The following BRCA1 variants were observed in gnomAD, a reference collection of about 807,000 sequenced individuals.
The protein encoded by BRCA1 is breast cancer type 1 susceptibility protein.
A neutral mutation model predicts 173.7 loss-of-function variants in BRCA1; 140 were observed. The observed-to-expected ratio is 0.81, with a 90% confidence interval of 0.70 to 0.93. The LOEUF is 0.93. Ranked by LOEUF, BRCA1 falls within the 40% of genes least tolerant of loss-of-function variation. The pLI, the probability that BRCA1 is intolerant of heterozygous loss-of-function variation, is 0.00. For missense variants in BRCA1, 1,983 were observed against 2,172.5 expected (o/e 0.91, Z 1.73); for synonymous variants, 662 against 756.0 (o/e 0.88, Z 2.04).
chr17:43,056,754 G>A (rs1429963065), intron 19 of BRCA1, among the ~76,000 whole-genome samples: 2 of 152,092 alleles, frequency 1.3e-5, no homozygotes, highest in African/African-American at 4.8e-5. Flanking sequence ...AAAGTCTTTA[G>A]ATTCTCATCT....
intron 1 of BRCA1, among the ~76,000 whole-genome samples, chr17:43,169,578 C>T (rs1053479646): frequency 6.6e-6 from 1 of 152,182 alleles, no homozygotes; most frequent in Non-Finnish European, 1.5e-5. Context: ...TTAGTGCTTC[C>T]CTCGAGACCT....
chr17:43,113,670 A>G (rs1050750713), intron 3 of BRCA1, among the ~76,000 whole-genome samples: 1 of 151,632 alleles, frequency 6.6e-6, no homozygotes, highest in African/African-American at 2.4e-5. Flanking sequence ...CCCGTCCTCT[A>G]TTTTCTTTTA....
At chr17:43,105,188 T>G (rs947702887) in intron 4 of BRCA1, among the ~76,000 whole-genome samples, 4 of 152,180 alleles carry the variant, frequency 2.6e-5, no homozygotes, top group Non-Finnish European at 5.9e-5. Flanking sequence ...GATATAATAC[T>G]GCCCTAAATC....
intron 1 of BRCA1, among the ~76,000 whole-genome samples, chr17:43,148,198 G>C (rs1008177683): frequency 2.0e-5 from 3 of 152,106 alleles, no homozygotes; most frequent in Non-Finnish European, 2.9e-5. Flanking sequence ...GCTTAGGCAG[G>C]AGAATCGCTT....
At chr17:43,157,076 C>T (rs1481565253) in intron 1 of BRCA1, among the ~76,000 whole-genome samples, 1 of 152,094 alleles carries the variant, frequency 6.6e-6, no homozygotes, top group Non-Finnish European at 1.5e-5. Flanking sequence ...AACAACCCAC[C>T]GGGGAACACA....
chr17:43,066,880 C>T (rs567980544), intron 16 of BRCA1, among the ~76,000 whole-genome samples: 2 of 139,434 alleles, frequency 1.4e-5, no homozygotes, highest in Admixed American at 7.8e-5. Flanking sequence ...TGCAATGGTG[C>T]GATCTTGGGT....
intron 1 of BRCA1, among the ~76,000 whole-genome samples, chr17:43,154,681 T>G (rs984903854): frequency 4.0e-5 from 3 of 75,456 alleles, no homozygotes; most frequent in African/African-American, 1.1e-4. Context: ...AAGTGTTTAT[T>G]AAGTATCTAC....
chr17:43,127,710 G>A (rs982353488), upstream of BRCA1, among the ~76,000 whole-genome samples: 13 of 152,228 alleles, frequency 8.5e-5, no homozygotes, highest in East Asian at 1.9e-3. Context: ...GATGTGGGTG[G>A]GGTCAGATAA....
At chr17:43,135,900 TCA>T (rs1309886066) in intron 1 of BRCA1, among the ~76,000 whole-genome samples, 1 of 152,204 alleles carries the variant, frequency 6.6e-6, no homozygotes, top group African/African-American at 2.4e-5. Flanking sequence ...GCCCGGCCTC[TCA>T]CACCCTCAGC....
At chr17:43,078,339 C>T (rs1465571459) in intron 12 of BRCA1, among the ~76,000 whole-genome samples, 1 of 152,190 alleles carries the variant, frequency 6.6e-6, no homozygotes, top group Admixed American at 6.5e-5. Context: ...CCAACCTTGG[C>T]CTCACAAAGT....
At chr17:43,099,700 A>C in intron 7 of BRCA1, 75 bp downstream of exon 7, 1 of 1,306,742 alleles carries the variant, frequency 7.7e-7, no homozygotes, top group Non-Finnish European at 1.1e-6. Context: ...AATTATGACC[A>C]AGATTTTTGG....
chr17:43,148,320 A>T (rs984799964), intron 1 of BRCA1: 3 of 167,382 alleles, frequency 1.8e-5, no homozygotes, highest in Non-Finnish European at 3.8e-5. Flanking sequence ...ACTAATATTT[A>T]CCTTGAGTGT....
At chr17:43,109,326 G>A (rs1436690764) in intron 3 of BRCA1, among the ~76,000 whole-genome samples, 1 of 152,062 alleles carries the variant, frequency 6.6e-6, no homozygotes, top group Non-Finnish European at 1.5e-5. Flanking sequence ...GTAGAGGCTT[G>A]TCCCAGATCA....
intron 19 of BRCA1, among the ~76,000 whole-genome samples, chr17:43,055,327 A>C (rs1289999850): frequency 6.6e-6 from 1 of 152,212 alleles, no homozygotes; most frequent in Non-Finnish European, 1.5e-5. Context: ...ACAACTTTTC[A>C]AGAAACTATA....
intron 19 of BRCA1, 118 bp from the exon 20 acceptor site, chr17:43,051,235 T>C (rs574614687): frequency 1.6e-5 from 15 of 945,068 alleles, no homozygotes; most frequent in East Asian, 2.6e-5. Context: ...GCTTTTCTTT[T>C]TCTTCTGTTC....
rs148068102 is a variant in BRCA1, at chr17:43,121,405, C to T, written c.80+2612G>A. Among the ~76,000 whole-genome samples, 2,017 of 151,660 alleles carry T rather than the reference C, an allele frequency of 0.013. 20 individuals are homozygous for T. Among genetic ancestry groups the T allele is most frequent in the Middle Eastern group, 0.024 (7 of 292 alleles). The stretch of plus-strand genomic sequence containing the variant: ...AACAAAACAAAACAAAACAAAAAGT[C>T]TGGGAGCGGTGGCTCACGCCTGTAA... On this transcript the variant is annotated intron_variant, in intron 2 of 22. Transcript: ENST00000357654.
intron 1 of BRCA1, chr17:43,166,232 TTTCCTCTC>T (rs2056267494): frequency 1.3e-5 from 2 of 152,094 alleles, no homozygotes; most frequent in Admixed American, 1.3e-4. Context: ...CTTTTCCTCT[TTTCCTCTC>T]TGTCTCTTTC....
chr17:43,054,974 T>G (rs2051399438), intron 19 of BRCA1, among the ~76,000 whole-genome samples: 1 of 152,164 alleles, frequency 6.6e-6, no homozygotes, highest in African/African-American at 2.4e-5. Flanking sequence ...GGTCTCGAAC[T>G]CCTGACCTCA....
At chr17:43,114,046 G>C (rs978821697) in intron 3 of BRCA1, among the ~76,000 whole-genome samples, 4 of 151,140 alleles carry the variant, frequency 2.6e-5, no homozygotes, top group African/African-American at 9.8e-5. Flanking sequence ...CTGCACTCCA[G>C]CCTGGGCAAT....
Sources: allele counts gnomAD v4.1 joint callset (sites outside exome capture counted in the v4.1 genomes callset), GRCh38; gene constraint gnomAD v4.1.1; transcripts MANE v1.5; gene names NCBI Gene and HGNC (gene_info 2026-07-23, HGNC 2026-07-21).